Variants in TMEM273 observed in about 807,000 individuals in gnomAD.
TMEM273 encodes chromosome 10 open reading frame 128.
TMEM273 carries 19 observed loss-of-function variants against 17.9 expected under a neutral mutation model. The ratio of observed to expected loss-of-function variants is 1.06; its 90% CI spans 0.74 to 1.55. The LOEUF is 1.55. Ranked by LOEUF, TMEM273 falls within the 40% of genes most tolerant of loss-of-function variation. TMEM273 has a pLI of 0.00. For missense variants in TMEM273, 194 were observed against 155.6 expected (o/e 1.25, Z -1.31); for synonymous variants, 66 against 62.0 (o/e 1.07, Z -0.31).
At chr10:49,163,046 C>T (rs1174428833) in intron 5 of TMEM273, among the ~76,000 whole-genome samples, 4 of 152,150 alleles carry the variant, frequency 2.6e-5, no homozygotes, top group African/African-American at 9.7e-5. Flanking sequence ...GGTGCCGCAG[C>T]TGCACACTTA....
chr10:49,168,687 A>C (rs1301765931), intron 1 of TMEM273, among the ~76,000 whole-genome samples: 2 of 88,104 alleles, frequency 2.3e-5, no homozygotes, highest in Non-Finnish European at 4.1e-5. Context: ...GAAGGAAGGA[A>C]GGAAGGGAGG....
intron 1 of TMEM273, among the ~76,000 whole-genome samples, chr10:49,175,527 G>A (rs189663614): frequency 8.1e-4 from 123 of 152,356 alleles, no homozygotes; most frequent in African/African-American, 2.9e-3. Context: ...TATCAAAACT[G>A]GTGCCCACTT....
intron 1 of TMEM273, among the ~76,000 whole-genome samples, chr10:49,183,196 A>T (rs1847455031): frequency 1.3e-5 from 2 of 152,218 alleles, no homozygotes; most frequent in African/African-American, 4.8e-5. Flanking sequence ...AATATGATAA[A>T]TAGATTATAT....
intron 2 of TMEM273, 77 bp from the exon 3 acceptor site, chr10:49,167,086 C>T (rs1846243745): frequency 1.3e-6 from 2 of 1,569,698 alleles, no homozygotes; most frequent in East Asian, 2.3e-5. Context: ...AGGTCCAAAG[C>T]ATGCATGTGG....
At chr10:49,172,722 A>G (rs1052190314) in intron 1 of TMEM273, among the ~76,000 whole-genome samples, 1 of 152,218 alleles carries the variant, frequency 6.6e-6, no homozygotes, top group Non-Finnish European at 1.5e-5. Flanking sequence ...CACACAGAGC[A>G]TGGCTGGGCA....
chr10:49,179,315 C>T lies in TMEM273; in HGVS notation c.43+8979G>A, dbSNP rs114455177. 3.9e-3 allele frequency among the ~76,000 whole-genome samples: 587 copies of T among 152,300 alleles called. 2 individuals are homozygous for T. The highest frequency in any genetic ancestry group is 0.013 in the African/African-American group (552 of 41,558). ...GGCCTGTGGGGCTCGGCTTTATAGC[C>T]GCCCAGCTGTGGCCCTCATCAGGGA... On this transcript the variant is annotated intron_variant, in intron 1 of 6. Transcript: ENST00000374153.
chr10:49,186,036 A>G (rs201255473), intron 1 of TMEM273, among the ~76,000 whole-genome samples: 34 of 89,152 alleles, frequency 3.8e-4, no homozygotes, highest in Admixed American at 1.3e-3. Context: ...AGAAGAAGAA[A>G]AAGAAGAAGA....
chr10:49,188,245 T>G, intron 1 of TMEM273, 49 bp downstream of exon 1: 1 of 1,607,496 alleles, frequency 6.2e-7, no homozygotes. Context: ...CCCAGTTTCC[T>G]GCCCACTGAG....
intron 1 of TMEM273, among the ~76,000 whole-genome samples, chr10:49,172,238 G>A (rs1460824257): frequency 6.6e-6 from 1 of 152,134 alleles, no homozygotes; most frequent in Non-Finnish European, 1.5e-5. Context: ...TGTTCCAGGG[G>A]GCCCCAGTGC....
rs17782866 is a variant in TMEM273 at position 49,156,092 on chromosome 10, G to C, written c.373-183C>G. Reference sequence around the variant, plus strand: ...TGAAGGCCAGTGGCTTCTGGGTAAAGGGGAGAGCTCAACCTGGAAGTTGTT... The same window carrying C: ...TGAAGGCCAGTGGCTTCTGGGTAAACGGGAGAGCTCAACCTGGAAGTTGTT... On this transcript the variant is annotated intron_variant, in intron 6 of 6. Coordinates refer to ENST00000374153, the MANE Select transcript of TMEM273 (RefSeq NM_001288740.3). 3.4e-3 allele frequency: 5,289 copies of C among 1,543,332 alleles called. 126 individuals are homozygous for C. In the East Asian group the frequency reaches 0.042, roughly 12 times the overall value.
At chr10:49,182,388 CT>C (rs1847403580) in intron 1 of TMEM273, among the ~76,000 whole-genome samples, 1 of 151,972 alleles carries the variant, frequency 6.6e-6, no homozygotes, top group Non-Finnish European at 1.5e-5. Flanking sequence ...CCTCTGCCAT[CT>C]TTTCATTATA....
chr10:49,180,620 G>T (rs147319642), intron 1 of TMEM273, among the ~76,000 whole-genome samples: 2,563 of 152,048 alleles, frequency 0.017, 31 homozygotes, highest in Non-Finnish European at 0.028. Context: ...AAAATTATTT[G>T]TCATAGCAAG....
chr10:49,183,519 A>C (rs1590255485), intron 1 of TMEM273, among the ~76,000 whole-genome samples: 1 of 152,348 alleles, frequency 6.6e-6, no homozygotes, highest in African/African-American at 2.4e-5. Flanking sequence ...TGAAATAAAA[A>C]AATTTTTTAA....
chr10:49,162,141 G>T (rs553506360), intron 5 of TMEM273, among the ~76,000 whole-genome samples: 2 of 152,066 alleles, frequency 1.3e-5, no homozygotes, highest in African/African-American at 2.4e-5. Flanking sequence ...TAACAGAGAC[G>T]CTCCTCTTAG....
intron 6 of TMEM273, among the ~76,000 whole-genome samples, chr10:49,157,181 C>T (rs970355119): frequency 6.6e-5 from 10 of 152,214 alleles, no homozygotes; most frequent in Non-Finnish European, 1.3e-4. Context: ...TCCTCCCACC[C>T]CTGGCTGCCC....
chr10:49,162,135 A>G (rs902260509), intron 5 of TMEM273, among the ~76,000 whole-genome samples: 2 of 152,334 alleles, frequency 1.3e-5, no homozygotes, highest in Non-Finnish European at 2.9e-5. Flanking sequence ...CACATATAAC[A>G]GAGACGCTCC....
At chr10:49,157,735 C>T (rs1845599490) in intron 6 of TMEM273, among the ~76,000 whole-genome samples, 1 of 152,216 alleles carries the variant, frequency 6.6e-6, no homozygotes. Context: ...CAGCATGTTA[C>T]TTGATGGACA....
At chr10:49,179,942 C>T (rs1183606157) in intron 1 of TMEM273, among the ~76,000 whole-genome samples, 1 of 152,304 alleles carries the variant, frequency 6.6e-6, no homozygotes, top group East Asian at 1.9e-4. Flanking sequence ...CAACAGAGGC[C>T]GAGTGGAGAC....
chr10:49,180,173 G>A lies in TMEM273; in HGVS notation c.43+8121C>T, dbSNP rs188566750. The stretch of plus-strand genomic sequence containing the variant: ...CTTCCTGCTAGGAAAGAGTCAGGAC[G>A]TCCTACACTGCCCAGCCACCACGAG... On this transcript the variant is annotated intron_variant, in intron 1 of 6. Coordinates refer to ENST00000374153, the MANE Select transcript of TMEM273 (RefSeq NM_001288740.3). 8.5e-5 allele frequency among the ~76,000 whole-genome samples: 13 copies of A among 152,280 alleles called. 1 individual carries two copies. The highest frequency in any genetic ancestry group is 2.6e-4 in the African/African-American group (11 of 41,556).
Sources: gnomAD v4.1 joint callset for allele counts (sites outside exome capture counted in the v4.1 genomes callset) on GRCh38, gnomAD v4.1.1 for gene constraint, MANE v1.5 for transcripts, NCBI Gene and HGNC (gene_info 2026-07-23, HGNC 2026-07-21) for gene names.